TRERF1: variants seen among roughly 807,000 people sequenced by gnomAD.
TRERF1 encodes the protein transcriptional regulating factor 1, also known as transcriptional-regulating factor 1.
TRERF1 carries 27 observed loss-of-function variants against 122.9 expected under a neutral mutation model. The observed-to-expected ratio is 0.22, with a 90% CI of 0.16 to 0.30. The LOEUF (loss-of-function observed/expected upper bound fraction) is 0.30. Among genes scored for constraint, TRERF1 ranks in the 10% least tolerant of loss-of-function variants. TRERF1 has a pLI of 1.00. For synonymous variants in TRERF1, 636 were observed against 641.7 expected (o/e 0.99, Z 0.13); for missense variants, 1,248 against 1,560.3 (o/e 0.80, Z 3.37).
rs555683135 is a variant in TRERF1, at chr6:42,435,137, A to T, written c.-454+16040T>A. On this transcript the variant is annotated intron_variant, in intron 2 of 17. Transcript: ENST00000372922. ...AAACAGCAAAACTCTGTCTCAAAAAAAAAAGAAAGAAAGAAAATCAAACAA... is the reference window on the plus strand; with the variant it reads ...AAACAGCAAAACTCTGTCTCAAAAATAAAAGAAAGAAAGAAAATCAAACAA... 1.4e-3 allele frequency among the ~76,000 whole-genome samples: 212 copies of T among 151,834 alleles called. 1 individual carries two copies. The highest frequency in any genetic ancestry group is 4.8e-3 in the African/African-American group (199 of 41,360).
chr6:42,350,975 A>ACTCTCTCC (rs1180604710), intron 3 of TRERF1, among the ~76,000 whole-genome samples: 1 of 151,104 alleles, frequency 6.6e-6, no homozygotes, highest in Non-Finnish European at 1.5e-5. Flanking sequence ...TCTCTCTCTC[A>ACTCTCTCC]CTCTCTCCCT....
At chr6:42,391,451 C>A (rs987050021) in intron 2 of TRERF1, among the ~76,000 whole-genome samples, 12 of 152,114 alleles carry the variant, frequency 7.9e-5, no homozygotes, top group African/African-American at 2.9e-4. Context: ...CCGGGGGGAA[C>A]AATTCTGGGA....
At chr6:42,309,617 G>T (rs1787884411) in intron 3 of TRERF1, among the ~76,000 whole-genome samples, 1 of 152,144 alleles carries the variant, frequency 6.6e-6, no homozygotes, top group Non-Finnish European at 1.5e-5. Flanking sequence ...CCTCAAGTTT[G>T]CTGAATTGGA....
intron 3 of TRERF1, among the ~76,000 whole-genome samples, chr6:42,345,787 G>A (rs776348563): frequency 7.9e-5 from 12 of 152,192 alleles, no homozygotes; most frequent in African/African-American, 1.2e-4. Context: ...TTGGGGCACC[G>A]TCTTGATTCC....
In TRERF1 at chr6:42,262,531, GAGAGAGAGAGAGAGAGAGA is replaced by G; in HGVS notation, c.1884+770_1884+788del. ...AGAGAGAGAGAGAGAGAGAGAGAGA[GAGAGAGAGAGAGAGAGAGA>G]GAGAGAGAGAGAGAGAGAGAGAGAG... On this transcript the variant is annotated intron_variant, in intron 8 of 17. Coordinates refer to ENST00000372922, the Ensembl canonical transcript of TRERF1. Among the ~76,000 whole-genome samples, 2 of 53,680 alleles carry G rather than the reference GAGAGAGAGAGAGAGAGAGA, an allele frequency of 3.7e-5. 1 individual carries two copies. The highest frequency in any genetic ancestry group is 1.3e-4 in the African/African-American group (2 of 15,402). 35.2% of individuals were successfully genotyped at this position (53,680 alleles called of 152,430 possible). A position where few individuals can be genotyped will look rare whatever the true frequency, so the allele number is the denominator to read the frequency against.
intron 2 of TRERF1, among the ~76,000 whole-genome samples, chr6:42,385,334 A>T (rs1203614853): frequency 1.3e-5 from 2 of 152,110 alleles, no homozygotes; most frequent in African/African-American, 4.8e-5. Context: ...ATACACAAGG[A>T]GCTCACCAGC....
At chr6:42,382,517 A>G (rs1776116836) in intron 2 of TRERF1, among the ~76,000 whole-genome samples, 2 of 151,460 alleles carry the variant, frequency 1.3e-5, no homozygotes, top group Admixed American at 6.6e-5. Context: ...GACACAGGGT[A>G]CTGACTTATT....
At chr6:42,285,398 T>C (rs1255274856) in intron 4 of TRERF1, among the ~76,000 whole-genome samples, 4 of 152,062 alleles carry the variant, frequency 2.6e-5, no homozygotes, top group African/African-American at 9.7e-5. Context: ...ACAATGGGGT[T>C]TTCTAGATAT....
At chr6:42,410,340 G>A (rs939955324) in intron 2 of TRERF1, among the ~76,000 whole-genome samples, 12 of 151,562 alleles carry the variant, frequency 7.9e-5, no homozygotes, top group African/African-American at 2.9e-4. Flanking sequence ...GTAGAGATGG[G>A]GTCTCACTAT....
intron 13 of TRERF1, among the ~76,000 whole-genome samples, chr6:42,246,776 T>C (rs1399055921): frequency 6.6e-6 from 1 of 152,242 alleles, no homozygotes; most frequent in Non-Finnish European, 1.5e-5. Context: ...AAGCCTGTTT[T>C]GTTACCTACA....
chr6:42,275,443 C>G lies in TRERF1; in HGVS notation c.-258-5595G>C, dbSNP rs1402218938. Among the ~76,000 whole-genome samples, 1 of 152,236 alleles carries G rather than the reference C, an allele frequency of 6.6e-6. No individual in the cohort carries two copies. Among genetic ancestry groups the G allele is most frequent in the Admixed American group, 6.5e-5 (1 of 15,290 alleles). On this transcript the variant is annotated intron_variant, in intron 4 of 17. Coordinates refer to ENST00000372922, the Ensembl canonical transcript of TRERF1. The surrounding 1 kb of genome is among the most constrained non-coding windows in gnomAD (Gnocchi z 4.1). ...GGTGCCACTCCACGCTCCCACAGAG[C>G]CTGTGACCGCTTTTCCTCTGCACTG...
In TRERF1 at chr6:42,269,291, G is replaced by T. The variant is rs1561875111; in HGVS notation, c.300C>A (p.Asn100Lys). The change falls in exon 5 of 18, where the codon AAC becomes AAA. Residue 100 changes from asparagine (N) to lysine (K), a missense_variant. Physicochemically the swap from Asn to Lys is moderately conservative, Grantham distance 94. Coordinates refer to ENST00000372922, the Ensembl canonical transcript of TRERF1. This position sits in a 1 kb window ranked among gnomAD's most constrained non-coding sequence, Gnocchi z 4.9. The stretch of plus-strand genomic sequence containing the variant: ...CCCACATCATGTTTGAGTTGGCCAG[G>T]TTTCCACGTAGCTGGACATGGTTTC... 6 of 1,614,182 alleles carry T rather than the reference G, an allele frequency of 3.7e-6. No individual in the cohort carries two copies. The highest frequency in any genetic ancestry group is 5.1e-6 in the Non-Finnish European group (6 of 1,180,026).
At chr6:42,442,147 T>C (rs1450209469) in intron 2 of TRERF1, among the ~76,000 whole-genome samples, 3 of 152,122 alleles carry the variant, frequency 2.0e-5, no homozygotes, top group African/African-American at 7.2e-5. Context: ...TCATTACTGG[T>C]GTCCTTCAGT....
chr6:42,429,419 A>AT (rs1295017183), intron 2 of TRERF1, among the ~76,000 whole-genome samples: 1 of 152,056 alleles, frequency 6.6e-6, no homozygotes, highest in Non-Finnish European at 1.5e-5. Context: ...AAAACCACGG[A>AT]GGGGGGGAAA....
At chr6:42,235,229 A>G (rs78272174) in intron 16 of TRERF1, among the ~76,000 whole-genome samples, 4,995 of 152,264 alleles carry the variant, frequency 0.033, 296 homozygotes, top group African/African-American at 0.11. Context: ...GCACTGTCCT[A>G]TATCATGTAT....
intron 3 of TRERF1, among the ~76,000 whole-genome samples, chr6:42,330,582 T>C (rs1194197292): frequency 5.3e-5 from 8 of 152,220 alleles, no homozygotes; most frequent in Admixed American, 5.2e-4. Context: ...GTTTTGCATA[T>C]CCTTTGACCC....
At chr6:42,229,734 T>C (rs769681331) in intron 17 of TRERF1, among the ~76,000 whole-genome samples, 6 of 152,316 alleles carry the variant, frequency 3.9e-5, no homozygotes, top group Non-Finnish European at 7.3e-5. Context: ...AAGCAAGGAA[T>C]TGGCAGACTT....
intron 4 of TRERF1, among the ~76,000 whole-genome samples, chr6:42,272,525 T>C (rs1007246833): frequency 2.0e-5 from 3 of 152,204 alleles, no homozygotes; most frequent in Non-Finnish European, 4.4e-5. Context: ...TTGAGATCTA[T>C]TGAATCAGAA....
At position 42,402,002 on chromosome 6, in the gene TRERF1, A is replaced by G. The variant is rs990864884; in HGVS notation, c.-453-38923T>C. Among the ~76,000 whole-genome samples the G allele has an allele frequency of 6.6e-5, 10 of 152,366 alleles. No homozygotes were observed. The East Asian group carries it at 1.9e-3, about 29-fold the overall frequency. On this transcript the variant is annotated intron_variant, in intron 2 of 17. Transcript: ENST00000372922. ...GAGTGGGTCCTTTTATTAAAAATTA[A>G]TATTTTACATAAAAACAAAACAGAT... is the stretch of plus-strand genomic sequence containing the variant.
Sources: allele counts gnomAD v4.1 joint callset (sites outside exome capture counted in the v4.1 genomes callset), GRCh38; gene constraint gnomAD v4.1.1; non-coding constraint Gnocchi (gnomAD v3.1); transcripts MANE v1.5; gene names NCBI Gene and HGNC (gene_info 2026-07-23, HGNC 2026-07-21).